Variants in NCOA2 observed in about 807,000 individuals in gnomAD.
NCOA2 encodes nuclear receptor coactivator 2.
Under a neutral mutation model 145.1 loss-of-function variants are expected in NCOA2, and 21 were observed. That is an observed-to-expected ratio of 0.14 (90% CI 0.10 to 0.21). NCOA2 has a LOEUF of 0.21. Among genes scored for constraint, NCOA2 ranks in the 10% least tolerant of loss-of-function variants. The pLI is 1.00. For synonymous variants in NCOA2, 619 were observed against 637.5 expected, an observed-to-expected ratio of 0.97 and a Z score of 0.44; for missense variants, 1,472 against 1,837.6, an observed-to-expected ratio of 0.80 and a Z score of 3.64.
chr8:70,229,885 G>A (rs747739452), intron 2 of NCOA2, among the ~76,000 whole-genome samples: 25 of 152,282 alleles, frequency 1.6e-4, no homozygotes, highest in Middle Eastern at 3.4e-3. Context: ...AAATTGTCTT[G>A]CTCTATGGGT....
In NCOA2 at chr8:70,162,720, G is replaced by A; in HGVS notation, c.967C>T (p.His323Tyr). The change falls in exon 9 of 23, where the codon CAT becomes TAT. Residue 323 changes from histidine (H) to tyrosine (Y), a missense_variant. Physicochemically the swap from His to Tyr is moderately conservative, Grantham distance 83 (BLOSUM62 2). This residue lies in a region of NCOA2 where 284 missense variants were observed against 467.8 expected (regional missense o/e 0.61). Coordinates refer to ENST00000452400, the MANE Select transcript of NCOA2 (RefSeq NM_006540.4). ...GESVSYAKRH[H>Y]HEVLRQGLAF... ...ATTTAGAGATGCTTACCTTCATGAT[G>A]ATGCCTCTTAGCATAGGACACAGAT... 1.2e-6 allele frequency: 2 copies of A among 1,607,908 alleles called. No individual in the cohort carries two copies. Among genetic ancestry groups the A allele is most frequent in the Non-Finnish European group, 1.7e-6 (2 of 1,177,436 alleles).
chr8:70,442,116 G>GAAGAAAGAAAGAAAGAAAGA, the NCOA2 span, among the ~76,000 whole-genome samples: 1,592 of 82,362 alleles, frequency 0.019, 26 homozygotes, highest in African/African-American at 0.036. Flanking sequence ...GAGAAAGAAA[G>GAAGAAAGAAAGAAAGAAAGA]AAGAAAGAAA....
intron 1 of NCOA2, among the ~76,000 whole-genome samples, chr8:70,371,993 T>C (rs1217828694): frequency 6.6e-6 from 1 of 152,204 alleles, no homozygotes; most frequent in Non-Finnish European, 1.5e-5. Flanking sequence ...TCTTTATAAT[T>C]TTTTTACCTC....
intron 2 of NCOA2, among the ~76,000 whole-genome samples, chr8:70,260,071 C>T (rs998862522): frequency 6.6e-6 from 1 of 152,204 alleles, no homozygotes. Context: ...ACAACCATAA[C>T]CCTCCTTAAC....
At chr8:70,374,204 GC>G (rs1459878411) in intron 1 of NCOA2, among the ~76,000 whole-genome samples, 5 of 152,174 alleles carry the variant, frequency 3.3e-5, no homozygotes, top group Non-Finnish European at 5.9e-5. Context: ...GGGTGTGGTG[GC>G]TCACGCCTAT....
At position 70,401,088 on chromosome 8, in the gene NCOA2, AAC is replaced by A. The variant is rs927877557; in HGVS notation, c.-77+2610_-77+2611del. Among the ~76,000 whole-genome samples the A allele has an allele frequency of 9.2e-5, 14 of 152,018 alleles. No homozygotes were observed. In the South Asian group the frequency reaches 2.9e-3, roughly 32 times the overall value. On this transcript the variant is annotated intron_variant, in intron 1 of 22. Transcript: ENST00000452400. ...CCTAACCTCACCAACAAAGAACAGG[AAC>A]ACACACACACATACACACACACACA...
the NCOA2 span, among the ~76,000 whole-genome samples, chr8:70,427,102 GT>G: frequency 6.6e-6 from 1 of 151,954 alleles, no homozygotes; most frequent in Non-Finnish European, 1.5e-5. Context: ...GCCTGGTTTT[GT>G]TTTTTTAAGC....
At chr8:70,178,354 A>G (rs907746266) in intron 4 of NCOA2, among the ~76,000 whole-genome samples, 1 of 152,252 alleles carries the variant, frequency 6.6e-6, no homozygotes, top group Non-Finnish European at 1.5e-5. Flanking sequence ...AAGCCTGGAT[A>G]AAAATAATTA....
At chr8:70,444,618 A>C in the NCOA2 span, among the ~76,000 whole-genome samples, 1 of 152,216 alleles carries the variant, frequency 6.6e-6, no homozygotes, top group Non-Finnish European at 1.5e-5. Flanking sequence ...ATTGAGGGAA[A>C]CTGGGCAAAG....
In NCOA2 at chr8:70,352,392, C is replaced by T. The variant is rs565660463; in HGVS notation, c.-77+51308G>A. On this transcript the variant is annotated intron_variant, in intron 1 of 22. Transcript: ENST00000452400. ...AAAAATCAGGCTCTTCCATCATGCA[C>T]ACTGATATAAAGCTAAGTCCCCACA... is the stretch of plus-strand genomic sequence containing the variant. Among the ~76,000 whole-genome samples, 21 of 152,258 alleles carry T rather than the reference C, an allele frequency of 1.4e-4. No individual in the cohort carries two copies. The East Asian group carries it at 2.7e-3, about 20-fold the overall frequency.
rs142047406 is a variant in NCOA2, at chr8:70,326,453, GCA to G, written c.-76-29655_-76-29654del. Among the ~76,000 whole-genome samples, 303 of 143,666 alleles carry G rather than the reference GCA, an allele frequency of 2.1e-3. 1 individual carries two copies. Among genetic ancestry groups the G allele is most frequent in the African/African-American group, 5.7e-3 (225 of 39,216 alleles). The allele number at this position is 143,666 out of a possible 152,430, so 94.3% of individuals were successfully genotyped here. A position where few individuals can be genotyped will look rare whatever the true frequency, so the allele number is the denominator to read the frequency against. On this transcript the variant is annotated intron_variant, in intron 1 of 22. Coordinates refer to ENST00000452400, the MANE Select transcript of NCOA2 (RefSeq NM_006540.4). The stretch of plus-strand genomic sequence containing the variant: ...CTCACACACACACACACACACACGT[GCA>G]CACACACACACACACATGCACACAC...
intron 4 of NCOA2, among the ~76,000 whole-genome samples, chr8:70,210,422 T>A (rs932905556): frequency 3.3e-5 from 5 of 152,162 alleles, no homozygotes; most frequent in African/African-American, 1.2e-4. Flanking sequence ...TGTACGGAAT[T>A]CTCTATTTGA....
chr8:70,386,690 C>T (rs1415022164), intron 1 of NCOA2, among the ~76,000 whole-genome samples: 1 of 151,984 alleles, frequency 6.6e-6, no homozygotes, highest in Non-Finnish European at 1.5e-5. Context: ...TAGTGATAAC[C>T]AGAGAATCCA....
chr8:70,404,436 G>A (rs1464725334), upstream of NCOA2, among the ~76,000 whole-genome samples: 1 of 152,108 alleles, frequency 6.6e-6, no homozygotes, highest in Non-Finnish European at 1.5e-5. Flanking sequence ...CGGACCCTTC[G>A]GCCAGCACCC....
intron 1 of NCOA2, among the ~76,000 whole-genome samples, chr8:70,297,948 C>T (rs1230742911): frequency 6.6e-6 from 1 of 152,076 alleles, no homozygotes; most frequent in Non-Finnish European, 1.5e-5. Flanking sequence ...TTTATGGACT[C>T]AAGAAAAGTG....
At chr8:70,117,279 C>G (rs1273313510) in intron 22 of NCOA2, among the ~76,000 whole-genome samples, 3 of 152,222 alleles carry the variant, frequency 2.0e-5, no homozygotes, top group Non-Finnish European at 4.4e-5. Context: ...TTCAGACTAG[C>G]TGGTAGCCCT....
At chr8:70,211,226 C>T (rs1015479250) in intron 4 of NCOA2, among the ~76,000 whole-genome samples, 6 of 151,862 alleles carry the variant, frequency 4.0e-5, no homozygotes, top group Non-Finnish European at 7.4e-5. Context: ...TTTGGGAGGC[C>T]GAGGCAGGCA....
chr8:70,148,518 A>C (rs1242835452), intron 11 of NCOA2, 35 bp from the exon 12 acceptor site: 10 of 1,596,454 alleles, frequency 6.3e-6, no homozygotes, highest in Non-Finnish European at 8.6e-6. Context: ...TATCCAGTCT[A>C]CTCTAAGAGT....
At chr8:70,435,286 G>A in the NCOA2 span, among the ~76,000 whole-genome samples, 10 of 150,244 alleles carry the variant, frequency 6.7e-5, no homozygotes, top group African/African-American at 2.5e-4. Flanking sequence ...TTAGCCGGGC[G>A]TGGTGGTGGG....
Sources: gnomAD v4.1 joint callset for allele counts (sites outside exome capture counted in the v4.1 genomes callset) on GRCh38, gnomAD v4.1.1 for gene constraint, gnomAD v4.1.1 regional missense constraint, MANE v1.5 for transcripts, NCBI Gene and HGNC (gene_info 2026-07-23, HGNC 2026-07-21) for gene names.